The following MINDY2 variants were observed in gnomAD, a reference collection of about 807,000 sequenced individuals.
The protein encoded by MINDY2 is MINDY lysine 48 deubiquitinase 2.
In MINDY2, 52 loss-of-function variants were observed where a neutral mutation model predicts 68.2. That is an observed-to-expected ratio of 0.76 (90% CI 0.61 to 0.96). The LOEUF is 0.96. Ranked by LOEUF, MINDY2 falls within the 40% of genes least tolerant of loss-of-function variation. The pLI is 0.00. For missense variants in MINDY2, 881 were observed against 773.4 expected, an observed-to-expected ratio of 1.14 and a Z score of -1.65; for synonymous variants, 372 against 303.0, an observed-to-expected ratio of 1.23 and a Z score of -2.36.
At chr15:58,853,787 C>A (rs1395228172) in intron 8 of MINDY2, among the ~76,000 whole-genome samples, 1 of 139,946 alleles carries the variant, frequency 7.1e-6, no homozygotes, top group East Asian at 2.1e-4. Context: ...TGCCACTGCA[C>A]TCCAGCCTAA....
intron 6 of MINDY2, among the ~76,000 whole-genome samples, chr15:58,844,647 GT>G (rs1159073330): frequency 6.6e-6 from 1 of 151,792 alleles, no homozygotes; most frequent in African/African-American, 2.4e-5. Flanking sequence ...GCCAGGCGCG[GT>G]GGCTCATACC....
chr15:58,778,145 A>G (rs1900895142), intron 1 of MINDY2, among the ~76,000 whole-genome samples: 1 of 152,146 alleles, frequency 6.6e-6, no homozygotes, highest in African/African-American at 2.4e-5. Flanking sequence ...TTTAGAAAGA[A>G]TGTTATAGGT....
Position 58,807,013 on chromosome 15 carries a change from C to T in MINDY2, c.964-3217C>T, listed in dbSNP as rs528077537. Among the ~76,000 whole-genome samples, 23 of 152,294 alleles carry T rather than the reference C, an allele frequency of 1.5e-4. 2 individuals carry two copies. The South Asian group carries it at 4.6e-3, about 30-fold the overall frequency. On this transcript the variant is annotated intron_variant, in intron 3 of 8. Transcript: ENST00000559228. ...GAATGATTTCTGTTTACAGTCTGTA[C>T]AGTCTGTTAGAATGGAATTTTATGA...
At chr15:58,787,685 C>T (rs1260465576) in intron 1 of MINDY2, among the ~76,000 whole-genome samples, 4 of 147,196 alleles carry the variant, frequency 2.7e-5, no homozygotes, top group African/African-American at 1.0e-4. Flanking sequence ...TGCAGTGAGC[C>T]GAGATTGCGC....
At chr15:58,802,418 T>A in intron 3 of MINDY2, 41 bp downstream of exon 3, 12 of 1,297,690 alleles carry the variant, frequency 9.2e-6, no homozygotes, top group Non-Finnish European at 1.3e-5. Flanking sequence ...TTTTAAAGTT[T>A]AAATATATAC....
intron 6 of MINDY2, among the ~76,000 whole-genome samples, chr15:58,834,047 A>G (rs1237733402): frequency 6.6e-6 from 1 of 152,124 alleles, no homozygotes; most frequent in African/African-American, 2.4e-5. Flanking sequence ...GGGAGTGGTG[A>G]TGACTCTTAA....
chr15:58,795,693 T>C (rs1902237964), intron 2 of MINDY2, among the ~76,000 whole-genome samples: 2 of 152,184 alleles, frequency 1.3e-5, no homozygotes, highest in Non-Finnish European at 2.9e-5. Flanking sequence ...CGTGAGCCAC[T>C]GCGCCCAGCC....
chr15:58,797,599 A>T (rs751352727), intron 2 of MINDY2, among the ~76,000 whole-genome samples: 1 of 152,160 alleles, frequency 6.6e-6, no homozygotes, highest in Non-Finnish European at 1.5e-5. Flanking sequence ...TTTGAGCTCA[A>T]ATTCGTGGCT....
At chr15:58,814,312 T>G (rs1194367078) in intron 4 of MINDY2, among the ~76,000 whole-genome samples, 1 of 152,168 alleles carries the variant, frequency 6.6e-6, no homozygotes, top group Non-Finnish European at 1.5e-5. Context: ...TGCATATTCT[T>G]TTTAGTAAAA....
chr15:58,853,568 C>T lies in MINDY2; in HGVS notation c.1738-914C>T, dbSNP rs191440224. The stretch of plus-strand genomic sequence containing the variant: ...TGGTGCGGTGGCTCACACGTATAAT[C>T]CCAGCACTTTGGGAGGCCAAGACAG... On this transcript the variant is annotated intron_variant, in intron 8 of 8. Transcript: ENST00000559228. Among the ~76,000 whole-genome samples the T allele has an allele frequency of 7.2e-4, 109 of 152,080 alleles. 2 individuals carry two copies. In the Middle Eastern group the frequency reaches 0.014, roughly 19 times the overall value.
intron 8 of MINDY2, among the ~76,000 whole-genome samples, chr15:58,854,116 T>C (rs1595790178): frequency 6.6e-6 from 1 of 151,922 alleles, no homozygotes; most frequent in East Asian, 1.9e-4. Flanking sequence ...TGGTGGCAGG[T>C]GCCTGTAATC....
intron 5 of MINDY2, 134 bp from the exon 6 acceptor site, chr15:58,831,640 C>A: frequency 1.5e-6 from 1 of 664,180 alleles, no homozygotes. Flanking sequence ...AGTTTGGAGC[C>A]ATCATAAAGT....
rs1025880275 is a variant in MINDY2 at position 58,844,458 on chromosome 15, G to A, written c.1369-2839G>A. On this transcript the variant is annotated intron_variant, in intron 6 of 8. Transcript: ENST00000559228. ...TCCCAGCTACTTGGGAGGCTGAGGCGGGAGAATGGGGTGAACCCAGGAGGC... is the reference window on the plus strand; with the variant it reads ...TCCCAGCTACTTGGGAGGCTGAGGCAGGAGAATGGGGTGAACCCAGGAGGC... Among the ~76,000 whole-genome samples the A allele has an allele frequency of 1.1e-4, 17 of 151,936 alleles. 1 individual carries two copies. Among genetic ancestry groups the A allele is most frequent in the African/African-American group, 2.9e-4 (12 of 41,448 alleles).
intron 6 of MINDY2, among the ~76,000 whole-genome samples, chr15:58,838,765 A>G (rs2032131298): frequency 6.6e-6 from 1 of 151,256 alleles, no homozygotes; most frequent in South Asian, 2.1e-4. Flanking sequence ...TTTTTTTAGT[A>G]GAGATTGGTT....
In MINDY2 at chr15:58,771,555, C is replaced by T. The variant is rs1047300335; in HGVS notation, c.160C>T (p.Leu54=). The change falls in exon 1 of 9, where the codon CTG becomes TTG. Residue 54 remains leucine (L), a synonymous_variant. Coordinates refer to ENST00000559228, the MANE Select transcript of MINDY2 (RefSeq NM_001040450.3). ...GGCGGAGACCAGCGGCGGGAATGGG[C>T]TGGGGGCGGCGGCCGCCAGGAGGAG... The part of the protein sequence containing the change: ...WAAETSGGNG[L]GAAAARRSLP... 6.2e-7 allele frequency: 1 copy of T among 1,610,806 alleles called. No individual in the cohort carries two copies. The highest frequency in any genetic ancestry group is 8.5e-7 in the Non-Finnish European group (1 of 1,179,452).
chr15:58,778,566 A>G (rs1440318052), intron 1 of MINDY2, among the ~76,000 whole-genome samples: 1 of 151,574 alleles, frequency 6.6e-6, no homozygotes, highest in Non-Finnish European at 1.5e-5. Context: ...CATAAACTAA[A>G]TCAAAACACA....
intron 5 of MINDY2, among the ~76,000 whole-genome samples, chr15:58,824,383 A>G (rs969507692): frequency 6.6e-6 from 1 of 152,204 alleles, no homozygotes; most frequent in Non-Finnish European, 1.5e-5. Context: ...TTTTTAGGGA[A>G]TATCTGCTGG....
At chr15:58,809,053 A>G (rs548871511) in intron 3 of MINDY2, among the ~76,000 whole-genome samples, 2 of 152,328 alleles carry the variant, frequency 1.3e-5, no homozygotes, top group African/African-American at 4.8e-5. Context: ...TCTACAAAAT[A>G]TCAAAAACAT....
At chr15:58,837,554 AG>A (rs2032054161) in intron 6 of MINDY2, among the ~76,000 whole-genome samples, 2 of 151,292 alleles carry the variant, frequency 1.3e-5, no homozygotes, top group Non-Finnish European at 2.9e-5. Flanking sequence ...AAAAAAAAAA[AG>A]GAAACCTTTT....
Sources: gnomAD v4.1 joint callset for allele counts (sites outside exome capture counted in the v4.1 genomes callset) on GRCh38, gnomAD v4.1.1 for gene constraint, MANE v1.5 for transcripts, NCBI Gene and HGNC (gene_info 2026-07-23, HGNC 2026-07-21) for gene names.